The following SNX29 variants were observed in gnomAD, a reference collection of about 807,000 sequenced individuals.
The protein encoded by SNX29 is sorting nexin-29.
In SNX29, 78 loss-of-function variants were observed where a neutral mutation model predicts 102.1. That is an observed-to-expected ratio of 0.76 (90% CI 0.64 to 0.92). The LOEUF is 0.92. Ranked by LOEUF, SNX29 falls within the 40% of genes least tolerant of loss-of-function variation. The probability of loss-of-function intolerance (pLI) is 0.00; values close to 1 mark genes in which losing one functional copy is unlikely to be tolerated. For missense variants in SNX29, 1,280 were observed against 1,061.7 expected, an observed-to-expected ratio of 1.21 and a Z score of -2.86; for synonymous variants, 580 against 414.5, an observed-to-expected ratio of 1.40 and a Z score of -4.85.
intron 1 of SNX29, among the ~76,000 whole-genome samples, chr16:11,979,275 CAA>C (rs71139569): frequency 3.2e-4 from 20 of 61,994 alleles, no homozygotes; most frequent in African/African-American, 1.0e-3. Context: ...ACTCAGTCTC[CAA>C]AAAAAAAAAA....
At chr16:12,524,128 C>G (rs563267170) in intron 19 of SNX29, among the ~76,000 whole-genome samples, 1 of 152,108 alleles carries the variant, frequency 6.6e-6, no homozygotes. Flanking sequence ...TCAGGTGATC[C>G]GCCCGCGTCT....
At chr16:12,279,515 C>T (rs947836823) in intron 15 of SNX29, among the ~76,000 whole-genome samples, 19 of 152,208 alleles carry the variant, frequency 1.2e-4, no homozygotes, top group Admixed American at 2.6e-4. Flanking sequence ...GTGCTCTGCC[C>T]TTCCTTGGGA....
intron 20 of SNX29, among the ~76,000 whole-genome samples, chr16:12,542,987 ATGAAGTCCAGGGACT>A: frequency 6.6e-6 from 1 of 152,112 alleles, no homozygotes; most frequent in South Asian, 2.1e-4. Flanking sequence ...TCCTGTAACT[ATGAAGTCCAGGGACT>A]TGGCTAGCTT....
At chr16:12,549,173 A>G (rs1489313827) in intron 20 of SNX29, among the ~76,000 whole-genome samples, 1 of 152,118 alleles carries the variant, frequency 6.6e-6, no homozygotes, top group Non-Finnish European at 1.5e-5. Flanking sequence ...CTGTTCATGG[A>G]GTGTCTGCAG....
chr16:12,086,721 A>G (rs908607248), intron 11 of SNX29: 1 of 152,122 alleles, frequency 6.6e-6, no homozygotes, highest in African/African-American at 2.4e-5. Flanking sequence ...GCCAAACACC[A>G]AATTTTAAAA....
chr16:12,060,890 G>A (rs185067492), intron 8 of SNX29: 39 of 456,012 alleles, frequency 8.6e-5, no homozygotes, highest in African/African-American at 4.4e-4. Flanking sequence ...TAATTGAGCC[G>A]ACTCCCTTTC....
intron 3 of SNX29, among the ~76,000 whole-genome samples, chr16:12,016,267 G>C (rs1483743776): frequency 6.6e-6 from 1 of 152,170 alleles, no homozygotes; most frequent in African/African-American, 2.4e-5. Flanking sequence ...TACTATGATG[G>C]ACAATGAAGC....
chr16:12,305,292 C>A (rs912744184), intron 15 of SNX29, among the ~76,000 whole-genome samples: 1 of 152,222 alleles, frequency 6.6e-6, no homozygotes, highest in African/African-American at 2.4e-5. Context: ...AGGTTAGACT[C>A]AGGTGTTGCG....
chr16:12,080,468 G>C (rs1309768628), intron 11 of SNX29, among the ~76,000 whole-genome samples: 1 of 152,148 alleles, frequency 6.6e-6, no homozygotes, highest in East Asian at 1.9e-4. Context: ...TATGTAGCTG[G>C]CTGCTTTTCA....
At chr16:12,071,463 A>G (rs1187062137) in intron 10 of SNX29, among the ~76,000 whole-genome samples, 3 of 152,342 alleles carry the variant, frequency 2.0e-5, no homozygotes, top group East Asian at 1.9e-4. Context: ...CAGGTTTGTC[A>G]AAGATCAGAT....
At chr16:12,486,772 C>G (rs897152147) in intron 19 of SNX29, among the ~76,000 whole-genome samples, 1 of 152,198 alleles carries the variant, frequency 6.6e-6, no homozygotes, top group Non-Finnish European at 1.5e-5. Flanking sequence ...GATGGCCTGT[C>G]TCTCCGCCCA....
chr16:12,036,784 T>C (rs1348942506), intron 4 of SNX29, among the ~76,000 whole-genome samples: 4 of 152,208 alleles, frequency 2.6e-5, no homozygotes, highest in Admixed American at 6.5e-5. Flanking sequence ...TGGTCTTCTA[T>C]AGATGATTGT....
At chr16:12,238,438 G>A (rs769795052) in intron 14 of SNX29, among the ~76,000 whole-genome samples, 16 of 151,934 alleles carry the variant, frequency 1.1e-4, no homozygotes, top group Non-Finnish European at 2.2e-4. Flanking sequence ...CGATTCTCCC[G>A]CATCAGCCTC....
At chr16:12,304,769 A>G (rs1434742269) in intron 15 of SNX29, among the ~76,000 whole-genome samples, 1 of 152,158 alleles carries the variant, frequency 6.6e-6, no homozygotes, top group Non-Finnish European at 1.5e-5. Context: ...TCACTTGTTT[A>G]TATAAGTGGC....
At chr16:12,007,028 G>A (rs1057236305) in intron 3 of SNX29, among the ~76,000 whole-genome samples, 2 of 152,066 alleles carry the variant, frequency 1.3e-5, no homozygotes, top group African/African-American at 2.4e-5. Context: ...TTTCTCCCTT[G>A]TGTGCTATTT....
At chr16:12,409,969 C>T (rs1437120310) in intron 18 of SNX29, among the ~76,000 whole-genome samples, 1 of 152,084 alleles carries the variant, frequency 6.6e-6, no homozygotes, top group Non-Finnish European at 1.5e-5. Context: ...TGCTTTGTTT[C>T]AGCAAAGCGT....
intron 15 of SNX29, among the ~76,000 whole-genome samples, chr16:12,336,147 CAG>C (rs2081442659): frequency 6.6e-6 from 1 of 152,142 alleles, no homozygotes; most frequent in Non-Finnish European, 1.5e-5. Context: ...ACCACAGACC[CAG>C]AGACATTGAT....
At position 12,053,819 on chromosome 16, in the gene SNX29, C is replaced by T. The variant is rs368030226; in HGVS notation, c.1124+1597C>T. On this transcript the variant is annotated intron_variant, in intron 8 of 20. Coordinates refer to ENST00000566228, the MANE Select transcript of SNX29 (RefSeq NM_032167.5). The stretch of plus-strand genomic sequence containing the variant: ...ATGATTTATACCCTATATTGTAAGA[C>T]GTCTAGCAGCCCTATGAGGTTCATG... Among the ~76,000 whole-genome samples the T allele has an allele frequency of 3.5e-4, 53 of 152,074 alleles. No homozygotes were observed. The South Asian group carries it at 8.3e-3, about 24-fold the overall frequency.
intron 14 of SNX29, among the ~76,000 whole-genome samples, chr16:12,219,020 C>T (rs761351163): frequency 2.1e-4 from 32 of 152,050 alleles, no homozygotes; most frequent in Non-Finnish European, 3.8e-4. Flanking sequence ...GTGATCTGCC[C>T]GCCTTGGCCT....
Sources: allele counts gnomAD v4.1 joint callset (sites outside exome capture counted in the v4.1 genomes callset), GRCh38; gene constraint gnomAD v4.1.1; transcripts MANE v1.5; gene names NCBI Gene and HGNC (gene_info 2026-07-23, HGNC 2026-07-21).